The following BLTP1 variants were observed in gnomAD, a reference collection of about 807,000 sequenced individuals.
BLTP1 encodes fragile site-associated protein.
the BLTP1 span, chr4:122,355,741 G>T: frequency 6.6e-7 from 1 of 1,514,098 alleles, no homozygotes. Context: ...AGCTATATAG[G>T]CTTGTCAATG....
chr4:122,295,708 A>G, the BLTP1 span, among the ~76,000 whole-genome samples: 12 of 152,160 alleles, frequency 7.9e-5, no homozygotes, highest in Non-Finnish European at 1.8e-4. Context: ...AATACTGACA[A>G]ACCGAATCCA....
chr4:122,196,983 T>C, the BLTP1 span, among the ~76,000 whole-genome samples: 4 of 152,064 alleles, frequency 2.6e-5, no homozygotes, highest in African/African-American at 9.6e-5. Context: ...TTAATAGTAA[T>C]AGACCTTCAT....
the BLTP1 span, among the ~76,000 whole-genome samples, chr4:122,332,407 T>C: frequency 1.3e-5 from 2 of 152,108 alleles, no homozygotes; most frequent in African/African-American, 2.4e-5. Flanking sequence ...ATTTTTACTA[T>C]ATAAAGGGCA....
chr4:122,328,654 G>C, the BLTP1 span: 1 of 982,494 alleles, frequency 1.0e-6, no homozygotes, highest in Non-Finnish European at 1.2e-6. Context: ...TAAAGGAGAG[G>C]GCTGTATTCC....
the BLTP1 span, among the ~76,000 whole-genome samples, chr4:122,303,563 C>G: frequency 3.9e-5 from 6 of 152,256 alleles, no homozygotes; most frequent in Admixed American, 2.0e-4. Flanking sequence ...TGAAAACCTT[C>G]TGGAAGAGAG....
the BLTP1 span, among the ~76,000 whole-genome samples, chr4:122,240,606 A>G: frequency 2.0e-5 from 3 of 152,226 alleles, no homozygotes; most frequent in South Asian, 6.2e-4. Context: ...TGTCTGCATT[A>G]TACTCTAAGA....
chr4:122,275,948 T>C, the BLTP1 span: 1 of 1,519,046 alleles, frequency 6.6e-7, no homozygotes, highest in South Asian at 1.4e-5. Context: ...GTTTTCCCAC[T>C]TTCTCTTGAC....
the BLTP1 span, among the ~76,000 whole-genome samples, chr4:122,176,737 C>CA: frequency 6.6e-6 from 1 of 152,106 alleles, no homozygotes; most frequent in Non-Finnish European, 1.5e-5. Flanking sequence ...CCCAATCCTT[C>CA]AAAAAACAAA....
the BLTP1 span, chr4:122,333,750 C>T: frequency 1.2e-6 from 2 of 1,611,928 alleles, no homozygotes; most frequent in Non-Finnish European, 1.7e-6. Flanking sequence ...ATCATCTCTA[C>T]AGACAAAGCC....
chr4:122,263,611 A>T, the BLTP1 span: 1 of 1,556,530 alleles, frequency 6.4e-7, no homozygotes, highest in Non-Finnish European at 8.8e-7. Context: ...GTATTGAGTT[A>T]TCACATTATT....
the BLTP1 span, chr4:122,226,267 T>C: frequency 3.2e-6 from 1 of 314,348 alleles, no homozygotes; most frequent in Non-Finnish European, 4.6e-6. Context: ...AGTGCTTTAA[T>C]CTTCAAAATA....
chr4:122,207,356 G>A, the BLTP1 span: 1 of 1,381,634 alleles, frequency 7.2e-7, no homozygotes, highest in East Asian at 2.3e-5. Flanking sequence ...AGTTTTAACA[G>A]ATACTAGAAG....
At chr4:122,159,461 CAAA>C in the BLTP1 span, among the ~76,000 whole-genome samples, 3 of 123,618 alleles carry the variant, frequency 2.4e-5, no homozygotes, top group East Asian at 2.3e-4. Flanking sequence ...GACTCTGTCC[CAAA>C]AAAAAAAAAA....
At chr4:122,162,730 A>C in the BLTP1 span, 1 of 835,710 alleles carries the variant, frequency 1.2e-6, no homozygotes. Flanking sequence ...TTATAACAAC[A>C]ACAACAAAAA....
chr4:122,299,418 G>T, the BLTP1 span, among the ~76,000 whole-genome samples: 1 of 152,172 alleles, frequency 6.6e-6, no homozygotes, highest in Admixed American at 6.5e-5. Context: ...AAGGAACAGG[G>T]ATGTGTAAGA....
chr4:122,156,448 G>A, the BLTP1 span, among the ~76,000 whole-genome samples: 1 of 152,146 alleles, frequency 6.6e-6, no homozygotes, highest in Non-Finnish European at 1.5e-5. Context: ...TTAGAGAAAA[G>A]GAATGAGTAT....
At chr4:122,221,882 GC>G in the BLTP1 span, 1 of 983,802 alleles carries the variant, frequency 1.0e-6, no homozygotes, top group African/African-American at 1.7e-5. Context: ...GTACCTGGTA[GC>G]CCTTCAACTT....
chr4:122,255,973 A>C, the BLTP1 span: 2 of 801,016 alleles, frequency 2.5e-6, no homozygotes, highest in Non-Finnish European at 3.0e-6. Flanking sequence ...CAAATTTCAC[A>C]TACAGTTTGA....
the BLTP1 span, chr4:122,239,955 C>A: frequency 6.2e-7 from 1 of 1,614,080 alleles, no homozygotes; most frequent in Non-Finnish European, 8.5e-7. Context: ...GCAAACCCAG[C>A]AGATTGACTA....
Sources: allele counts gnomAD v4.1 joint callset (sites outside exome capture counted in the v4.1 genomes callset), GRCh38; gene constraint gnomAD v4.1.1; transcripts MANE v1.5; gene names NCBI Gene and HGNC (gene_info 2026-07-23, HGNC 2026-07-21).